DTD1: variants seen among roughly 807,000 people sequenced by gnomAD.
The protein encoded by DTD1 is D-aminoacyl-tRNA deacylase 1.
Under a neutral mutation model 25.6 loss-of-function variants are expected in DTD1, and 13 were observed. That is an observed-to-expected ratio of 0.51 (90% CI 0.33 to 0.81). DTD1 has a LOEUF of 0.81. Ranked by LOEUF, DTD1 falls within the 30% of genes least tolerant of loss-of-function variation. The pLI is 0.02. For synonymous variants in DTD1, 110 were observed against 103.6 expected (o/e 1.06, Z -0.37); for missense variants, 193 against 266.4 (o/e 0.72, Z 1.92).
intron 4 of DTD1, among the ~76,000 whole-genome samples, chr20:18,727,399 C>T (rs751801192): frequency 2.6e-5 from 4 of 151,808 alleles, no homozygotes; most frequent in Non-Finnish European, 4.4e-5. Context: ...AAGTGCAAGG[C>T]GAGAGGAAGT....
intron 4 of DTD1, among the ~76,000 whole-genome samples, chr20:18,717,697 A>G (rs2061186642): frequency 6.6e-6 from 1 of 152,210 alleles, no homozygotes; most frequent in African/African-American, 2.4e-5. Context: ...ATCTTCTGTA[A>G]TGGAACCAGT....
At chr20:18,672,069 A>G (rs1007026646) in intron 4 of DTD1, among the ~76,000 whole-genome samples, 3 of 152,150 alleles carry the variant, frequency 2.0e-5, no homozygotes, top group African/African-American at 7.2e-5. Context: ...CCCCATCTCT[A>G]CAGAAAGTTA....
At chr20:18,609,850 A>T (rs1448741281) in intron 3 of DTD1, among the ~76,000 whole-genome samples, 1 of 152,218 alleles carries the variant, frequency 6.6e-6, no homozygotes, top group Non-Finnish European at 1.5e-5. Context: ...CTGGTCATGG[A>T]TGTCTCCAGT....
At position 18,690,417 on chromosome 20, in the gene DTD1, C is replaced by T. The variant is rs184598008; in HGVS notation, c.478-53683C>T. ...TTGGGGACCTAGCCAAATTCTCTAG[C>T]AAAGCTTATGCCAAGAGGGTATTTC... On this transcript the variant is annotated intron_variant, in intron 4 of 5. Coordinates refer to ENST00000377452, the MANE Select transcript of DTD1 (RefSeq NM_080820.6). Among the ~76,000 whole-genome samples, 210 of 152,302 alleles carry T rather than the reference C, an allele frequency of 1.4e-3. 3 individuals are homozygous for T. Among genetic ancestry groups the T allele is most frequent in the South Asian group, 2.1e-4 (1 of 4,828 alleles).
intron 4 of DTD1, among the ~76,000 whole-genome samples, chr20:18,726,645 T>C (rs935646258): frequency 6.6e-6 from 1 of 152,162 alleles, no homozygotes; most frequent in Non-Finnish European, 1.5e-5. Flanking sequence ...TGTCACTTAG[T>C]GGGGAGTGTT....
chr20:18,696,754 A>G (rs2061078892), intron 4 of DTD1, among the ~76,000 whole-genome samples: 1 of 151,636 alleles, frequency 6.6e-6, no homozygotes, highest in Non-Finnish European at 1.5e-5. Context: ...GGGTTTCTCC[A>G]TGTTGGTCAG....
At chr20:18,719,298 C>A (rs1052522910) in intron 4 of DTD1, among the ~76,000 whole-genome samples, 1 of 151,896 alleles carries the variant, frequency 6.6e-6, no homozygotes, top group African/African-American at 2.4e-5. Context: ...TCATGTATTT[C>A]TCCACATCTC....
At chr20:18,719,245 A>ATGTG (rs34218213) in intron 4 of DTD1, among the ~76,000 whole-genome samples, 3,202 of 149,136 alleles carry the variant, frequency 0.021, 60 homozygotes, top group African/African-American at 0.045. Context: ...GTATATATAT[A>ATGTG]TGTGTGTGTG....
chr20:18,695,261 T>C (rs11907525), intron 4 of DTD1, among the ~76,000 whole-genome samples: 18,628 of 151,668 alleles, frequency 0.12, 1,421 homozygotes, highest in East Asian at 0.28. Context: ...GAAAATGAGA[T>C]TGATACTGAA....
At chr20:18,620,497 T>C (rs967154648) in intron 3 of DTD1, among the ~76,000 whole-genome samples, 2 of 152,280 alleles carry the variant, frequency 1.3e-5, no homozygotes, top group Admixed American at 6.5e-5. Context: ...AAATTAATGC[T>C]GGATGGAATA....
intron 4 of DTD1, chr20:18,631,081 C>T: frequency 1.0e-6 from 1 of 985,412 alleles, no homozygotes; most frequent in Non-Finnish European, 1.2e-6. Flanking sequence ...GGCTCATTCA[C>T]AGCAGACAGC....
intron 4 of DTD1, among the ~76,000 whole-genome samples, chr20:18,721,061 G>A (rs1485751536): frequency 6.6e-6 from 1 of 152,090 alleles, no homozygotes; most frequent in Admixed American, 6.5e-5. Context: ...CATGACAACC[G>A]CTATGCCTTT....
intron 3 of DTD1, among the ~76,000 whole-genome samples, chr20:18,599,320 G>A (rs1320145241): frequency 1.3e-5 from 2 of 152,014 alleles, no homozygotes; most frequent in African/African-American, 4.8e-5. Context: ...GATTACAGGT[G>A]CGTGCCACCA....
At chr20:18,692,944 A>G (rs1426229905) in intron 4 of DTD1, among the ~76,000 whole-genome samples, 2 of 124,482 alleles carry the variant, frequency 1.6e-5, no homozygotes, top group Non-Finnish European at 3.1e-5. Context: ...CCCAGGCTGG[A>G]GTGCAGTGGC....
chr20:18,649,426 C>T (rs1367423786), intron 4 of DTD1, among the ~76,000 whole-genome samples: 1 of 145,426 alleles, frequency 6.9e-6, no homozygotes, highest in Admixed American at 7.1e-5. Context: ...GCAACATCCG[C>T]CTCCCGGGTT....
chr20:18,652,798 A>T (rs1049466141), intron 4 of DTD1, among the ~76,000 whole-genome samples: 3 of 152,234 alleles, frequency 2.0e-5, no homozygotes, highest in Non-Finnish European at 4.4e-5. Context: ...ACACAATAGG[A>T]AAAATGCTTT....
chr20:18,745,143 A>G (rs1884784), intron 5 of DTD1, among the ~76,000 whole-genome samples: 129,115 of 152,218 alleles, frequency 0.85, 55,437 homozygotes, highest in Non-Finnish European at 0.93. Flanking sequence ...CCATCTCAGC[A>G]GCCTACTTTC....
chr20:18,623,026 G>A (rs1385624197), intron 3 of DTD1, among the ~76,000 whole-genome samples: 3 of 147,250 alleles, frequency 2.0e-5, no homozygotes, highest in African/African-American at 7.5e-5. Context: ...TGCGACCTCC[G>A]CCTCCCGGGT....
rs554224589 is a variant in DTD1, at chr20:18,632,282, A to T, written c.477+4049A>T. 619 of 985,480 alleles carry T rather than the reference A, an allele frequency of 6.3e-4. 1 individual carries two copies. Among genetic ancestry groups the T allele is most frequent in the Admixed American group, 1.0e-3 (17 of 16,286 alleles). The allele number at this position is 985,480 out of a possible 1,614,324, so 61.0% of individuals were successfully genotyped here. The stretch of plus-strand genomic sequence containing the variant: ...GAATCCTTTAGGAGTTTTCTCCTCA[A>T]ATACACAAATTGTCTTGCATCAACT... On this transcript the variant is annotated intron_variant, in intron 4 of 5. Transcript: ENST00000377452.
Sources: allele counts gnomAD v4.1 joint callset (sites outside exome capture counted in the v4.1 genomes callset), GRCh38; gene constraint gnomAD v4.1.1; transcripts MANE v1.5; gene names NCBI Gene and HGNC (gene_info 2026-07-23, HGNC 2026-07-21).